EPB41L5: variants seen among roughly 807,000 people sequenced by gnomAD.
EPB41L5 encodes band 4.1-like protein 5.
A neutral mutation model predicts 106.6 loss-of-function variants in EPB41L5; 55 were observed. The ratio of observed to expected loss-of-function variants is 0.52; its 90% CI spans 0.42 to 0.65. EPB41L5 has a LOEUF of 0.65. EPB41L5 is among the 30% of genes least tolerant of loss of function. The probability of loss-of-function intolerance (pLI) is 0.00; values close to 1 mark genes in which losing one functional copy is unlikely to be tolerated. For synonymous variants in EPB41L5, 297 were observed against 306.7 expected (o/e 0.97, Z 0.33); for missense variants, 871 against 882.1 (o/e 0.99, Z 0.16).
At chr2:120,085,155 A>G (rs1316073534) in intron 10 of EPB41L5, among the ~76,000 whole-genome samples, 3 of 152,046 alleles carry the variant, frequency 2.0e-5, no homozygotes, top group Admixed American at 1.3e-4. Context: ...GCTTTGTTCC[A>G]TTGCTGGCGA....
chr2:120,070,440 C>A (rs2105310180), intron 3 of EPB41L5, among the ~76,000 whole-genome samples: 1 of 152,264 alleles, frequency 6.6e-6, no homozygotes, highest in South Asian at 2.1e-4. Flanking sequence ...GAAACTATTA[C>A]AAACAATAGG....
At chr2:120,019,593 T>A (rs1029600054) in intron 2 of EPB41L5, among the ~76,000 whole-genome samples, 5 of 152,228 alleles carry the variant, frequency 3.3e-5, no homozygotes, top group African/African-American at 1.2e-4. Flanking sequence ...TTTCTGACAA[T>A]CCTTGTTGAA....
intron 3 of EPB41L5, among the ~76,000 whole-genome samples, chr2:120,063,713 A>C (rs1426094708): frequency 6.6e-6 from 1 of 152,212 alleles, no homozygotes; most frequent in Non-Finnish European, 1.5e-5. Context: ...TGTGAGGCCG[A>C]GAGGGGCGGA....
intron 2 of EPB41L5, among the ~76,000 whole-genome samples, chr2:120,024,829 C>T (rs1392745141): frequency 1.3e-5 from 2 of 152,186 alleles, no homozygotes; most frequent in Non-Finnish European, 2.9e-5. Flanking sequence ...CATGTTGAAC[C>T]AGCCTTGCAT....
intron 2 of EPB41L5, among the ~76,000 whole-genome samples, chr2:120,038,127 TATG>T (rs1235166249): frequency 6.6e-6 from 1 of 152,190 alleles, no homozygotes; most frequent in African/African-American, 2.4e-5. Context: ...GAACCAGATA[TATG>T]ATAAGAGATT....
chr2:120,143,236 A>T, intron 19 of EPB41L5, 105 bp downstream of exon 19: 1 of 1,241,880 alleles, frequency 8.1e-7, no homozygotes, highest in Non-Finnish European at 1.1e-6. Flanking sequence ...TTAATGGTGC[A>T]GTCAGGGAGT....
Position 120,178,287 on chromosome 2 carries a change from G to A in EPB41L5, c.*3380G>A, listed in dbSNP as rs1479195471. 6.6e-6 allele frequency: 1 copy of A among 152,312 alleles called. No individual in the cohort carries two copies. The highest frequency in any genetic ancestry group is 1.5e-5 in the Non-Finnish European group (1 of 68,078). 9.4% of individuals were successfully genotyped at this position (152,312 alleles called of 1,614,324 possible). On this transcript the variant is annotated 3_prime_UTR_variant, in exon 25 of 25. Transcript: ENST00000263713. ...TCTGCAGTGTTACCTGTCACTTGGA[G>A]GCAGCCAACACTTCTGGACATTGCA... is the stretch of plus-strand genomic sequence containing the variant.
At chr2:120,050,502 G>C (rs1680161115) in intron 3 of EPB41L5, among the ~76,000 whole-genome samples, 1 of 152,132 alleles carries the variant, frequency 6.6e-6, no homozygotes, top group South Asian at 2.1e-4. Context: ...ATGGTTTTCA[G>C]CTCCATCAGG....
intron 16 of EPB41L5, 69 bp from the exon 17 acceptor site, chr2:120,127,618 AG>A: frequency 7.9e-7 from 1 of 1,267,990 alleles, no homozygotes; most frequent in Non-Finnish European, 1.1e-6. Context: ...GCAGATACAG[AG>A]GGTGAGTAGT....
At chr2:120,127,510 A>C (rs549101664) in intron 16 of EPB41L5, among the ~76,000 whole-genome samples, 178 bp from the exon 17 acceptor site, 42 of 152,194 alleles carry the variant, frequency 2.8e-4, no homozygotes, top group Non-Finnish European at 5.0e-4. Flanking sequence ...ATGCTATGTA[A>C]ATAGTTGTTA....
intron 16 of EPB41L5, among the ~76,000 whole-genome samples, chr2:120,115,323 T>A (rs1684897788): frequency 6.6e-6 from 1 of 152,270 alleles, no homozygotes; most frequent in Non-Finnish European, 1.5e-5. Context: ...TTTTTGTTTC[T>A]CACTTCTTCC....
At chr2:120,128,024 G>A (rs1189449385) in intron 17 of EPB41L5, 173 bp downstream of exon 17, 3 of 484,172 alleles carry the variant, frequency 6.2e-6, no homozygotes, top group Non-Finnish European at 1.0e-5. Context: ...AAATATTTAA[G>A]ATAACATAAT....
At chr2:120,073,276 T>G in intron 4 of EPB41L5, 56 bp downstream of exon 4, 1 of 1,364,124 alleles carries the variant, frequency 7.3e-7, no homozygotes, top group Non-Finnish European at 1.0e-6. Context: ...ATATTAGAAA[T>G]TCTGATTTCT....
At chr2:120,125,990 T>C (rs1454734075) in intron 16 of EPB41L5, among the ~76,000 whole-genome samples, 1 of 152,208 alleles carries the variant, frequency 6.6e-6, no homozygotes. Flanking sequence ...ATCACCCTGA[T>C]ATCTGCCTTT....
chr2:120,067,997 C>CG (rs1681563818), intron 3 of EPB41L5, among the ~76,000 whole-genome samples: 1 of 152,080 alleles, frequency 6.6e-6, no homozygotes, highest in African/African-American at 2.4e-5. Context: ...GCAAGATGGC[C>CG]GAATAGGAAC....
At chr2:120,033,498 A>G (rs1044904546) in intron 2 of EPB41L5, among the ~76,000 whole-genome samples, 2 of 152,030 alleles carry the variant, frequency 1.3e-5, no homozygotes, top group African/African-American at 2.4e-5. Flanking sequence ...ACCTGAGGTC[A>G]GGAGCTGGAG....
chr2:120,110,458 C>G (rs1004130493), intron 16 of EPB41L5, among the ~76,000 whole-genome samples: 1 of 152,126 alleles, frequency 6.6e-6, no homozygotes, highest in Non-Finnish European at 1.5e-5. Flanking sequence ...ATATCATCAC[C>G]CTGAACTTTT....
At chr2:120,081,075 T>TG (rs1362633315) in intron 10 of EPB41L5, among the ~76,000 whole-genome samples, 4 of 152,168 alleles carry the variant, frequency 2.6e-5, no homozygotes, top group Admixed American at 6.5e-5. Flanking sequence ...TTCACTCTGA[T>TG]GTAGTTTCTT....
chr2:120,060,549 T>G (rs913009952), intron 3 of EPB41L5, among the ~76,000 whole-genome samples: 4 of 152,212 alleles, frequency 2.6e-5, no homozygotes, highest in Admixed American at 2.0e-4. Flanking sequence ...GTATGTAACA[T>G]TCTTGAAATG....
Sources: gnomAD v4.1 joint callset for allele counts (sites outside exome capture counted in the v4.1 genomes callset) on GRCh38, gnomAD v4.1.1 for gene constraint, MANE v1.5 for transcripts, NCBI Gene and HGNC (gene_info 2026-07-23, HGNC 2026-07-21) for gene names.